Variants in LHFPL3 observed in about 807,000 individuals in gnomAD.
LHFPL3 encodes the protein LHFPL tetraspan subfamily member 3.
Under a neutral mutation model 19.3 loss-of-function variants are expected in LHFPL3, and 5 were observed. That is an observed-to-expected ratio of 0.26 (90% CI 0.14 to 0.54). LHFPL3 has a LOEUF of 0.54. Among genes scored for constraint, LHFPL3 ranks in the 20% least tolerant of loss-of-function variants. The pLI, the probability that LHFPL3 is intolerant of heterozygous loss-of-function variation, is 0.94. For missense variants in LHFPL3, 249 were observed against 307.4 expected (o/e 0.81, Z 1.42); for synonymous variants, 133 against 126.2 (o/e 1.05, Z -0.36).
At chr7:104,447,867 T>C (rs1792360452) in intron 1 of LHFPL3, among the ~76,000 whole-genome samples, 1 of 152,194 alleles carries the variant, frequency 6.6e-6, no homozygotes, top group South Asian at 2.1e-4. Flanking sequence ...AACATCCGTT[T>C]ATCTGAAAGC....
At chr7:104,750,916 CT>C (rs1794154876) in intron 2 of LHFPL3, among the ~76,000 whole-genome samples, 1 of 151,804 alleles carries the variant, frequency 6.6e-6, no homozygotes, top group Admixed American at 6.6e-5. Context: ...CAATGTTTTC[CT>C]TTTTTACATC....
chr7:104,548,452 T>G (rs185272871), intron 1 of LHFPL3, among the ~76,000 whole-genome samples: 1 of 152,310 alleles, frequency 6.6e-6, no homozygotes, highest in East Asian at 1.9e-4. Flanking sequence ...TTTACAAAGT[T>G]TATTTGCCAT....
At chr7:104,413,685 C>T (rs1016986796) in intron 1 of LHFPL3, among the ~76,000 whole-genome samples, 3 of 152,188 alleles carry the variant, frequency 2.0e-5, no homozygotes, top group Admixed American at 6.5e-5. Flanking sequence ...CCTTCATGTC[C>T]CTCACCTCCA....
intron 1 of LHFPL3, among the ~76,000 whole-genome samples, chr7:104,362,294 C>T (rs941672135): frequency 1.3e-4 from 20 of 152,190 alleles, no homozygotes; most frequent in South Asian, 2.1e-4. Flanking sequence ...CCCTCTGAGG[C>T]GCTGTGTGGA....
intron 1 of LHFPL3, among the ~76,000 whole-genome samples, chr7:104,480,301 G>A (rs76224663): frequency 0.054 from 8,261 of 152,210 alleles, 365 homozygotes; most frequent in East Asian, 0.19. Context: ...AGTACCTGAT[G>A]CACAGCAGAT....
At chr7:104,692,816 G>C (rs1792928594) in intron 1 of LHFPL3, among the ~76,000 whole-genome samples, 1 of 152,222 alleles carries the variant, frequency 6.6e-6, no homozygotes, top group Non-Finnish European at 1.5e-5. Flanking sequence ...GAAAATGTGG[G>C]GTTGGAGCCC....
intron 1 of LHFPL3, among the ~76,000 whole-genome samples, chr7:104,575,385 C>T (rs4400323): frequency 0.28 from 43,044 of 151,758 alleles, 6,472 homozygotes; most frequent in African/African-American, 0.38. Context: ...AAAATAAATT[C>T]TGAGCTTACT....
intron 2 of LHFPL3, among the ~76,000 whole-genome samples, chr7:104,889,619 G>A (rs1224541868): frequency 6.6e-6 from 1 of 152,134 alleles, no homozygotes. Context: ...CAGCCTGGGT[G>A]ACAGAGCAAG....
At position 104,654,959 on chromosome 7, in the gene LHFPL3, TCTGATCATTCACAC is replaced by T. The variant is rs558452287; in HGVS notation, c.446-81711_446-81698del. 1.4e-4 allele frequency among the ~76,000 whole-genome samples: 22 copies of T among 152,290 alleles called. No homozygotes were observed. In the East Asian group the frequency reaches 4.2e-3, roughly 29 times the overall value. ...CAAGTACAAATTATTGTCTTTTACT[TCTGATCATTCACAC>T]CTGACACATTCCCTGCCTCAGAAGC... On this transcript the variant is annotated intron_variant, in intron 1 of 2. Transcript: ENST00000424859.
rs71153196 is a variant in LHFPL3 at position 104,424,983 on chromosome 7, T to TAAAAAAAAAAAAAAAAAAAAAA, written c.445+95760_445+95781dup. 1.2e-4 allele frequency among the ~76,000 whole-genome samples: 8 copies of TAAAAAAAAAAAAAAAAAAAAAA among 65,160 alleles called. 1 individual carries two copies. Among genetic ancestry groups the TAAAAAAAAAAAAAAAAAAAAAA allele is most frequent in the African/African-American group, 4.6e-4 (7 of 15,264 alleles). 42.7% of individuals were successfully genotyped at this position (65,160 alleles called of 152,430 possible). A position where few individuals can be genotyped will look rare whatever the true frequency, so the allele number is the denominator to read the frequency against. Reference sequence around the variant, plus strand: ...GGCGACAGAGTGAGACTCCATCTCATAAAAAAAAAAAAAAAAAAAAAAGAA... The same window carrying TAAAAAAAAAAAAAAAAAAAAAA: ...GGCGACAGAGTGAGACTCCATCTCATAAAAAAAAAAAAAAAAAAAAAAAAAAAAAAAAAAAAAAAAAAAAGAA... On this transcript the variant is annotated intron_variant, in intron 1 of 2. Coordinates refer to ENST00000424859, the MANE Select transcript of LHFPL3 (RefSeq NM_199000.3).
chr7:104,520,578 G>A (rs1225990917), intron 1 of LHFPL3, among the ~76,000 whole-genome samples: 1 of 136,780 alleles, frequency 7.3e-6, no homozygotes. Context: ...ATCTGGTCCT[G>A]GACTCTTTTT....
chr7:104,726,115 A>T (rs1032778021), intron 1 of LHFPL3, among the ~76,000 whole-genome samples: 4 of 151,780 alleles, frequency 2.6e-5, no homozygotes, highest in Admixed American at 6.6e-5. Context: ...TAATCATAAC[A>T]AAGTTGCTTC....
chr7:104,536,692 T>C (rs1794394467), intron 1 of LHFPL3, among the ~76,000 whole-genome samples: 1 of 152,362 alleles, frequency 6.6e-6, no homozygotes, highest in African/African-American at 2.4e-5. Flanking sequence ...TCCATTTTAA[T>C]TTAATTCTTT....
In LHFPL3 at chr7:104,534,958, G is replaced by T. The variant is rs546300431; in HGVS notation, c.446-201717G>T. On this transcript the variant is annotated intron_variant, in intron 1 of 2. Transcript: ENST00000424859. Reference sequence around the variant, plus strand: ...CAATTACGACTTTGCCTTCACTGTTGCCTCTACCATGATTGACACAGAACT... The same window carrying T: ...CAATTACGACTTTGCCTTCACTGTTTCCTCTACCATGATTGACACAGAACT... Among the ~76,000 whole-genome samples the T allele has an allele frequency of 1.6e-3, 248 of 152,230 alleles. 1 individual carries two copies. The highest frequency in any genetic ancestry group is 6.8e-3 in the Middle Eastern group (2 of 294).
rs71155530 is a variant in LHFPL3, at chr7:104,840,474, C to CTTTTT, written c.683-65688_683-65684dup. Reference sequence around the variant, plus strand: ...ATGCCACCATGCTAATTTTCTTTTCCTTTTTTTTTTTTTTTTTTTTTTTTT... The same window carrying CTTTTT: ...ATGCCACCATGCTAATTTTCTTTTCCTTTTTTTTTTTTTTTTTTTTTTTTTTTTTT... On this transcript the variant is annotated intron_variant, in intron 2 of 2. Transcript: ENST00000424859. Among the ~76,000 whole-genome samples, 28 of 65,586 alleles carry CTTTTT rather than the reference C, an allele frequency of 4.3e-4. 1 individual carries two copies. Among genetic ancestry groups the CTTTTT allele is most frequent in the Non-Finnish European group, 5.9e-4 (22 of 37,132 alleles). 43.0% of individuals were successfully genotyped at this position (65,586 alleles called of 152,430 possible). A position where few individuals can be genotyped will look rare whatever the true frequency, so the allele number is the denominator to read the frequency against.
intron 1 of LHFPL3, among the ~76,000 whole-genome samples, chr7:104,604,576 C>G (rs753790113): frequency 6.6e-6 from 1 of 152,214 alleles, no homozygotes; most frequent in African/African-American, 2.4e-5. Context: ...TTTTTCAAAT[C>G]TTTCCATTTT....
At chr7:104,704,867 C>T (rs1793164215) in intron 1 of LHFPL3, among the ~76,000 whole-genome samples, 2 of 152,138 alleles carry the variant, frequency 1.3e-5, no homozygotes, top group South Asian at 4.1e-4. Context: ...AATTCCTAGG[C>T]TCAAGCATTT....
At chr7:104,856,986 G>A (rs1011579503) in intron 2 of LHFPL3, among the ~76,000 whole-genome samples, 2 of 152,178 alleles carry the variant, frequency 1.3e-5, no homozygotes, top group African/African-American at 4.8e-5. Flanking sequence ...AATAATAACA[G>A]CTAACAGAAT....
intron 2 of LHFPL3, among the ~76,000 whole-genome samples, chr7:104,776,385 C>A (rs938976693): frequency 2.0e-5 from 3 of 152,194 alleles, no homozygotes; most frequent in Non-Finnish European, 4.4e-5. Context: ...TCCTCTCAAG[C>A]TCTAAGGAAG....
Sources: allele counts gnomAD v4.1 joint callset (sites outside exome capture counted in the v4.1 genomes callset), GRCh38; gene constraint gnomAD v4.1.1; transcripts MANE v1.5; gene names NCBI Gene and HGNC (gene_info 2026-07-23, HGNC 2026-07-21).